The following GPD1L variants were observed in gnomAD, a reference collection of about 807,000 sequenced individuals.
The protein encoded by GPD1L is glycerol-3-phosphate dehydrogenase 1-like protein.
Under a neutral mutation model 32.9 loss-of-function variants are expected in GPD1L, and 17 were observed. The observed-to-expected ratio is 0.52, with a 90% CI of 0.35 to 0.78. The LOEUF (loss-of-function observed/expected upper bound fraction) is 0.78, where lower values mean the gene tolerates loss of function less well. GPD1L is among the 30% of genes least tolerant of loss of function. The pLI is 0.01. For synonymous variants in GPD1L, 187 were observed against 165.9 expected (o/e 1.13, Z -0.98); for missense variants, 361 against 447.8 (o/e 0.81, Z 1.75).
At chr3:32,127,864 C>G (rs1700533944) in intron 1 of GPD1L, among the ~76,000 whole-genome samples, 1 of 152,100 alleles carries the variant, frequency 6.6e-6, no homozygotes, top group South Asian at 2.1e-4. Context: ...TGACCTTAAG[C>G]CAAATTCTGG....
chr3:32,148,580 A>G (rs1427641685), intron 5 of GPD1L, among the ~76,000 whole-genome samples: 1 of 152,212 alleles, frequency 6.6e-6, no homozygotes. Context: ...ATTAACTCCA[A>G]CCATTGTCTT....
At chr3:32,123,441 G>A (rs56994868) in intron 1 of GPD1L, among the ~76,000 whole-genome samples, 2,071 of 152,208 alleles carry the variant, frequency 0.014, 42 homozygotes, top group African/African-American at 0.047. Flanking sequence ...TTCTGCACTC[G>A]CTCAGGACCA....
At chr3:32,126,228 A>C (rs1559572396) in intron 1 of GPD1L, among the ~76,000 whole-genome samples, 2 of 152,190 alleles carry the variant, frequency 1.3e-5, no homozygotes, top group East Asian at 1.9e-4. Flanking sequence ...TACATAAATA[A>C]ATAAATATTC....
intron 7 of GPD1L, among the ~76,000 whole-genome samples, chr3:32,160,142 C>G (rs150186776): frequency 1.8e-3 from 275 of 149,830 alleles, no homozygotes; most frequent in African/African-American, 6.5e-3. Context: ...CCAGTCTCTT[C>G]ATCGGGTGGG....
chr3:32,120,273 G>A (rs1034446255), intron 1 of GPD1L, among the ~76,000 whole-genome samples: 1 of 151,832 alleles, frequency 6.6e-6, no homozygotes, highest in Non-Finnish European at 1.5e-5. Flanking sequence ...AGTCAAGATC[G>A]CACCACTGTA....
intron 1 of GPD1L, among the ~76,000 whole-genome samples, chr3:32,118,804 GCTTCTA>G (rs1700367593): frequency 6.6e-6 from 1 of 152,056 alleles, no homozygotes; most frequent in African/African-American, 2.4e-5. Context: ...TGGAAACCAC[GCTTCTA>G]CTTTCTGTCT....
At chr3:32,141,591 G>A (rs566304813) in intron 4 of GPD1L, among the ~76,000 whole-genome samples, 60 of 152,108 alleles carry the variant, frequency 3.9e-4, no homozygotes, top group Non-Finnish European at 7.1e-4. Context: ...GAGAGGAGAA[G>A]TATCACAAAT....
At chr3:32,159,949 C>T (rs1701053151) in intron 7 of GPD1L, among the ~76,000 whole-genome samples, 1 of 152,188 alleles carries the variant, frequency 6.6e-6, no homozygotes, top group Admixed American at 6.5e-5. Flanking sequence ...TCTAGTTTGT[C>T]TCGCAGGGTG....
intron 4 of GPD1L, among the ~76,000 whole-genome samples, chr3:32,145,343 T>C (rs948708441): frequency 1.3e-5 from 2 of 152,088 alleles, no homozygotes; most frequent in African/African-American, 4.8e-5. Flanking sequence ...AGTTACTACC[T>C]ATTATCCATG....
At position 32,112,922 on chromosome 3, in the gene GPD1L, AAC is replaced by A. The variant is rs375377636; in HGVS notation, c.47+6166_47+6167del. ...GATTTAGAGAAAACTTGCTTAAGTC[AAC>A]AGTTAGTAGGTGGACTTGAAACCCA... On this transcript the variant is annotated intron_variant, in intron 1 of 7. Transcript: ENST00000282541. 1.3e-3 allele frequency among the ~76,000 whole-genome samples: 197 copies of A among 152,320 alleles called. 1 individual carries two copies. Among genetic ancestry groups the A allele is most frequent in the African/African-American group, 4.1e-3 (171 of 41,572 alleles).
chr3:32,115,362 G>A (rs564759151), intron 1 of GPD1L, among the ~76,000 whole-genome samples: 6 of 152,284 alleles, frequency 3.9e-5, no homozygotes, highest in South Asian at 2.1e-4. Flanking sequence ...TTTTTACAGA[G>A]TGCTGATTGG....
At position 32,106,918 on chromosome 3, in the gene GPD1L, A is replaced by T; in HGVS notation, c.47+160A>T. On this transcript the variant is annotated intron_variant, in intron 1 of 7. Coordinates refer to ENST00000282541, the MANE Select transcript of GPD1L (RefSeq NM_015141.4). This position sits in a 1 kb window ranked among gnomAD's most constrained non-coding sequence, Gnocchi z 4.0. ...TGCTGGGCTGGGCACCGTGCGCCCG[A>T]GGAGGCCGCACCGGGGCACTCGCTC... is the stretch of plus-strand genomic sequence containing the variant. 1.8e-6 allele frequency: 1 copy of T among 549,802 alleles called. No homozygotes were observed. Among genetic ancestry groups the T allele is most frequent in the South Asian group, 7.6e-5 (1 of 13,178 alleles). 34.1% of individuals were successfully genotyped at this position (549,802 alleles called of 1,614,324 possible). A position where few individuals can be genotyped will look rare whatever the true frequency, so the allele number is the denominator to read the frequency against.
rs1455895897 is a variant in GPD1L at position 32,160,213 on chromosome 3, TG to T, written c.959+542del. Among the ~76,000 whole-genome samples the T allele has an allele frequency of 8.7e-5, 11 of 126,282 alleles. No homozygotes were observed. In the Admixed American group the frequency reaches 9.4e-4, roughly 11 times the overall value. The allele number at this position is 126,282 out of a possible 152,430, so 82.8% of individuals were successfully genotyped here. ...ATGGGATGAAGGGATGGATGATGGG[TG>T]GGTGGGTTGGCAGGTGGGAAGGGAT... On this transcript the variant is annotated intron_variant, in intron 7 of 7. Transcript: ENST00000282541.
chr3:32,117,465 T>G (rs779592272), intron 1 of GPD1L, among the ~76,000 whole-genome samples: 6 of 152,266 alleles, frequency 3.9e-5, no homozygotes, highest in Non-Finnish European at 8.8e-5. Flanking sequence ...GGTGTAGAGC[T>G]CAGGTTTGAA....
chr3:32,136,918 C>G (rs559895715), intron 2 of GPD1L, among the ~76,000 whole-genome samples: 1 of 152,308 alleles, frequency 6.6e-6, no homozygotes, highest in Admixed American at 6.5e-5. Context: ...CAGTGGAAAC[C>G]ACTTCTCCCT....
At chr3:32,148,963 T>A (rs9874580) in intron 5 of GPD1L, among the ~76,000 whole-genome samples, 9,846 of 152,322 alleles carry the variant, frequency 0.065, 586 homozygotes, top group African/African-American at 0.16. Flanking sequence ...ATGTTTGTTG[T>A]ATACCCTTCC....
Position 32,159,666 on chromosome 3 carries a change from A to G in GPD1L, c.951A>G (p.Leu317=), listed in dbSNP as rs746611202. 2.5e-5 allele frequency: 40 copies of G among 1,592,972 alleles called. 1 individual carries two copies. The highest frequency in any genetic ancestry group is 4.4e-5 in the South Asian group (4 of 90,662). The part of the protein sequence containing the change: ...EVYRILKQKG[L]LDKFPLFTAV... The stretch of plus-strand genomic sequence containing the variant: ...ACCGCATCCTCAAACAGAAGGGACT[A>G]CTGGACAAGTAAGTCTCTCAGTCGC... The change falls in exon 7 of 8, where the codon CTA becomes CTG. Residue 317 remains leucine (L), a synonymous_variant. Transcript: ENST00000282541.
intron 1 of GPD1L, among the ~76,000 whole-genome samples, chr3:32,110,851 G>A (rs932250993): frequency 6.6e-6 from 1 of 152,184 alleles, no homozygotes; most frequent in African/African-American, 2.4e-5. Context: ...AGATGAAACA[G>A]TTTCTTTTTT....
chr3:32,163,742 C>G (rs941443259), intron 7 of GPD1L, among the ~76,000 whole-genome samples: 3 of 152,210 alleles, frequency 2.0e-5, no homozygotes, highest in Non-Finnish European at 4.4e-5. Context: ...GTAGAAATTT[C>G]TCTTCCACAC....
Sources: gnomAD v4.1 joint callset for allele counts (sites outside exome capture counted in the v4.1 genomes callset) on GRCh38, gnomAD v4.1.1 for gene constraint, Gnocchi (gnomAD v3.1) non-coding constraint, MANE v1.5 for transcripts, NCBI Gene and HGNC (gene_info 2026-07-23, HGNC 2026-07-21) for gene names.